Variants in TENM2 observed in about 807,000 individuals in gnomAD.
TENM2 encodes the protein teneurin-2.
TENM2 carries 52 observed loss-of-function variants against 245.2 expected under a neutral mutation model. The ratio of observed to expected loss-of-function variants is 0.21; its 90% confidence interval spans 0.17 to 0.27. The LOEUF is 0.27. Ranked by LOEUF, TENM2 falls within the 10% of genes least tolerant of loss-of-function variation. TENM2 has a pLI of 1.00. For missense variants in TENM2, 3,046 were observed against 3,666.8 expected (o/e 0.83, Z 4.37); for synonymous variants, 1,363 against 1,438.9 (o/e 0.95, Z 1.19).
chr5:167,853,062 G>A (rs949147327), intron 2 of TENM2, among the ~76,000 whole-genome samples: 1 of 150,942 alleles, frequency 6.6e-6, no homozygotes, highest in African/African-American at 2.4e-5. Flanking sequence ...CGAGGCGGGC[G>A]CATCAGGAGG....
At chr5:167,742,074 G>A (rs777699875) in intron 2 of TENM2, among the ~76,000 whole-genome samples, 6 of 152,060 alleles carry the variant, frequency 3.9e-5, no homozygotes, top group Non-Finnish European at 8.8e-5. Flanking sequence ...ATCCTAAGTG[G>A]CAATTAATTG....
the TENM2 span, among the ~76,000 whole-genome samples, chr5:167,223,333 C>T: frequency 4.9e-4 from 74 of 152,076 alleles, no homozygotes; most frequent in South Asian, 7.5e-3. Flanking sequence ...TTAACTCCCC[C>T]GACCCCCACC....
At chr5:167,179,664 A>G in the TENM2 span, among the ~76,000 whole-genome samples, 1 of 152,048 alleles carries the variant, frequency 6.6e-6, no homozygotes, top group Non-Finnish European at 1.5e-5. Context: ...ACCTGACTTC[A>G]TTAGGAATGT....
chr5:167,832,990 T>C (rs1768641943), intron 2 of TENM2, among the ~76,000 whole-genome samples: 2 of 152,046 alleles, frequency 1.3e-5, no homozygotes, highest in South Asian at 4.1e-4. Flanking sequence ...ACAAAATCAT[T>C]CAGAGTGGTT....
chr5:167,720,019 G>A (rs2150514249), intron 2 of TENM2, among the ~76,000 whole-genome samples: 1 of 152,246 alleles, frequency 6.6e-6, no homozygotes, highest in Admixed American at 6.5e-5. Context: ...GGGAAGGGAG[G>A]TTCTAAGATC....
chr5:167,735,951 G>T (rs1275828082), intron 2 of TENM2, among the ~76,000 whole-genome samples: 1 of 152,168 alleles, frequency 6.6e-6, no homozygotes, highest in African/African-American at 2.4e-5. Context: ...AATCTAGGGG[G>T]GAAAATAAAG....
intron 2 of TENM2, among the ~76,000 whole-genome samples, chr5:167,698,529 C>T (rs1423448182): frequency 6.6e-6 from 1 of 152,160 alleles, no homozygotes; most frequent in East Asian, 1.9e-4. Context: ...GTCCTGGTCT[C>T]CTGGGTGGCC....
At chr5:167,375,831 A>G (rs536149746) in intron 2 of TENM2, among the ~76,000 whole-genome samples, 1 of 152,212 alleles carries the variant, frequency 6.6e-6, no homozygotes, top group East Asian at 1.9e-4. Context: ...TCCCCTTCCC[A>G]GTAAATGGAA....
intron 6 of TENM2, among the ~76,000 whole-genome samples, chr5:168,052,426 A>G (rs966704543): frequency 1.3e-5 from 2 of 151,788 alleles, no homozygotes; most frequent in Non-Finnish European, 2.9e-5. Context: ...ACACATATAT[A>G]TGTGTATGTA....
intron 2 of TENM2, among the ~76,000 whole-genome samples, chr5:167,606,540 A>G (rs779793423): frequency 6.6e-6 from 1 of 152,196 alleles, no homozygotes; most frequent in Non-Finnish European, 1.5e-5. Context: ...TCCAAATGCC[A>G]TCACATTGGA....
the TENM2 span, among the ~76,000 whole-genome samples, chr5:167,229,030 G>A: frequency 3.9e-5 from 6 of 152,286 alleles, no homozygotes; most frequent in Admixed American, 3.9e-4. Flanking sequence ...CCATAAGGGA[G>A]TTTCACCCCC....
chr5:168,198,188 C>CTTTTTTTTTTT (rs35539116), intron 15 of TENM2, among the ~76,000 whole-genome samples: 1 of 95,834 alleles, frequency 1.0e-5, no homozygotes, highest in Non-Finnish European at 1.9e-5. Flanking sequence ...CCAATGAACC[C>CTTTTTTTTTTT]TTTTTTTTTT....
chr5:168,227,045 C>A (rs759965687), intron 24 of TENM2, among the ~76,000 whole-genome samples: 1 of 152,118 alleles, frequency 6.6e-6, no homozygotes, highest in Non-Finnish European at 1.5e-5. Flanking sequence ...CTGCGTGTGA[C>A]GGCTGGAGTC....
At position 168,238,259 on chromosome 5, in the gene TENM2, G is replaced by GAAAAGAAAAGAA. The variant is rs1765757312; in HGVS notation, c.5521-6158_5521-6147dup. Among the ~76,000 whole-genome samples, 6 of 141,910 alleles carry GAAAAGAAAAGAA rather than the reference G, an allele frequency of 4.2e-5. No individual in the cohort carries two copies. The East Asian group carries it at 1.0e-3, about 24-fold the overall frequency. The allele number at this position is 141,910 out of a possible 152,430, so 93.1% of individuals were successfully genotyped here. A position where few individuals can be genotyped will look rare whatever the true frequency, so the allele number is the denominator to read the frequency against. On this transcript the variant is annotated intron_variant, in intron 25 of 28. Coordinates refer to ENST00000518659, the Ensembl canonical transcript of TENM2. ...GAAAAGAAAAGAAAAGAAAAGAAAA[G>GAAAAGAAAAGAA]AAAAGAAAAGAAAAGAAAAGAAAAG...
chr5:166,988,254 T>C, the TENM2 span, among the ~76,000 whole-genome samples: 4 of 152,194 alleles, frequency 2.6e-5, no homozygotes, highest in Non-Finnish European at 5.9e-5. Context: ...CCATCAAAAT[T>C]TCCTTTCCAT....
At chr5:167,933,666 G>A (rs975095087) in intron 3 of TENM2, among the ~76,000 whole-genome samples, 1 of 150,990 alleles carries the variant, frequency 6.6e-6, no homozygotes, top group Admixed American at 6.6e-5. Context: ...TGAATAAATT[G>A]TGAAAAAAAA....
intron 2 of TENM2, among the ~76,000 whole-genome samples, chr5:167,656,920 T>TATC (rs1754879005): frequency 6.6e-6 from 1 of 150,706 alleles, no homozygotes; most frequent in Non-Finnish European, 1.5e-5. Flanking sequence ...GCAATTCACG[T>TATC]ATCTATCTTC....
chr5:167,069,170 C>T, the TENM2 span, among the ~76,000 whole-genome samples: 2 of 152,072 alleles, frequency 1.3e-5, no homozygotes, highest in South Asian at 2.1e-4. Context: ...TCTTTTAAGC[C>T]TATAAACTTA....
intron 2 of TENM2, chr5:167,821,163 G>A (rs1767492133): frequency 1.3e-5 from 2 of 152,278 alleles, no homozygotes; most frequent in East Asian, 1.9e-4. Context: ...GGACCTCAGG[G>A]AACATTTGTT....
Sources: allele counts gnomAD v4.1 joint callset (sites outside exome capture counted in the v4.1 genomes callset), GRCh38; gene constraint gnomAD v4.1.1; transcripts MANE v1.5; gene names NCBI Gene and HGNC (gene_info 2026-07-23, HGNC 2026-07-21).